The following TSGA10 variants were observed in gnomAD, a reference collection of about 807,000 sequenced individuals.
TSGA10 encodes testis-specific gene 10 protein.
TSGA10 carries 43 observed loss-of-function variants against 96.6 expected under a neutral mutation model. The observed-to-expected ratio is 0.44, with a 90% CI of 0.35 to 0.57. The LOEUF (loss-of-function observed/expected upper bound fraction) is 0.57, where lower values mean the gene tolerates loss of function less well. Among genes scored for constraint, TSGA10 ranks in the 20% least tolerant of loss-of-function variants. TSGA10 has a pLI of 0.01. For synonymous variants in TSGA10, 229 were observed against 269.9 expected, an observed-to-expected ratio of 0.85 and a Z score of 1.48; for missense variants, 703 against 834.4, an observed-to-expected ratio of 0.84 and a Z score of 1.94.
chr2:99,057,251 G>C (rs2084116248), intron 16 of TSGA10, among the ~76,000 whole-genome samples: 1 of 152,020 alleles, frequency 6.6e-6, no homozygotes, highest in Non-Finnish European at 1.5e-5. Flanking sequence ...AAAATAAAAG[G>C]CATCCAGATT....
chr2:99,059,046 AATAAT>A (rs2084327147), intron 16 of TSGA10, among the ~76,000 whole-genome samples: 1 of 116,526 alleles, frequency 8.6e-6, no homozygotes, highest in African/African-American at 4.1e-5. Context: ...AAAAAAAAAA[AATAAT>A]ATATATATAT....
At chr2:99,131,661 A>G (rs1474053520) in intron 1 of TSGA10, among the ~76,000 whole-genome samples, 3 of 152,144 alleles carry the variant, frequency 2.0e-5, no homozygotes, top group Non-Finnish European at 2.9e-5. Context: ...ACTATATTGA[A>G]TAGGAGTGGT....
intron 20 of TSGA10, among the ~76,000 whole-genome samples, chr2:99,000,893 A>T (rs968630203): frequency 5.9e-5 from 9 of 152,132 alleles, no homozygotes; most frequent in Non-Finnish European, 1.3e-4. Flanking sequence ...TCCGAGATCG[A>T]ACTGCGAGGT....
chr2:99,105,270 A>G lies in TSGA10; in HGVS notation c.459+89T>C, dbSNP rs1293222856. 4.3e-6 allele frequency: 5 copies of G among 1,152,108 alleles called. No homozygotes were observed. In the East Asian group the frequency reaches 7.2e-5, roughly 17 times the overall value. 71.4% of individuals were successfully genotyped at this position (1,152,108 alleles called of 1,614,324 possible). On this transcript the variant is annotated intron_variant, in intron 9 of 20. Coordinates refer to ENST00000393483, the MANE Select transcript of TSGA10 (RefSeq NM_025244.4). ...ATAAACACTATCTTAGAAAAATAAA[A>G]TAACTTCTCTGAATACAGAAAAAGG...
intron 13 of TSGA10, among the ~76,000 whole-genome samples, chr2:99,072,361 T>C (rs1458482969): frequency 2.0e-5 from 3 of 152,238 alleles, no homozygotes; most frequent in African/African-American, 4.8e-5. Flanking sequence ...CCCTCTGTTA[T>C]ACTCCAGACT....
intron 1 of TSGA10, chr2:99,147,174 T>G (rs2093640899): frequency 3.0e-6 from 1 of 330,164 alleles, no homozygotes; most frequent in Non-Finnish European, 5.4e-6. Context: ...TTTTTTAATT[T>G]TTTTCTGATA....
intron 20 of TSGA10, 51 bp from the exon 21 acceptor site, chr2:98,998,272 AC>A: frequency 6.8e-7 from 1 of 1,471,496 alleles, no homozygotes; most frequent in East Asian, 2.3e-5. Context: ...AACTTTTTCA[AC>A]ATGTGTAACA....
At position 99,018,193 on chromosome 2, in the gene TSGA10, G is replaced by T. The variant is rs1386767141; in HGVS notation, c.2072+7C>A. On this transcript the variant is annotated splice_region_variant and intron_variant, in intron 20 of 20. Coordinates refer to ENST00000393483, the MANE Select transcript of TSGA10 (RefSeq NM_025244.4). ...TCTCAAGAGAATGGATCCTTAAATA[G>T]ACTCACTCTTCTAATGATCGATCTA... The T allele has an allele frequency of 1.2e-6, 2 of 1,613,532 alleles. No individual in the cohort carries two copies. Among genetic ancestry groups the T allele is most frequent in the Non-Finnish European group, 1.7e-6 (2 of 1,179,906 alleles).
intron 20 of TSGA10, among the ~76,000 whole-genome samples, chr2:99,002,206 G>A (rs2077989353): frequency 6.6e-6 from 1 of 152,198 alleles, no homozygotes; most frequent in Admixed American, 6.5e-5. Flanking sequence ...AAGTTGAAAT[G>A]AAGGGAAAAT....
At chr2:99,046,714 AC>A (rs1289557500) in intron 16 of TSGA10, among the ~76,000 whole-genome samples, 2 of 152,198 alleles carry the variant, frequency 1.3e-5, no homozygotes, top group African/African-American at 2.4e-5. Flanking sequence ...GCAAGAAATA[AC>A]TAAGAACAGA....
intron 16 of TSGA10, among the ~76,000 whole-genome samples, chr2:99,052,582 C>A (rs1457891903): frequency 6.6e-6 from 1 of 151,460 alleles, no homozygotes; most frequent in Non-Finnish European, 1.5e-5. Flanking sequence ...ACTAAAAATA[C>A]AAAAAATTAG....
intron 4 of TSGA10, chr2:99,117,143 G>T (rs2092315235): frequency 6.6e-6 from 1 of 152,146 alleles, no homozygotes; most frequent in Non-Finnish European, 1.5e-5. Context: ...TCACATGGCA[G>T]TTCTATTTTT....
chr2:99,143,017 CT>C (rs976321187), intron 1 of TSGA10, among the ~76,000 whole-genome samples: 2 of 151,458 alleles, frequency 1.3e-5, no homozygotes, highest in African/African-American at 2.4e-5. Context: ...AAAGATTTTC[CT>C]TTTTTTTCCT....
chr2:99,068,953 T>A lies in TSGA10; in HGVS notation c.1153A>T (p.Ile385Leu), dbSNP rs145269028. 279 of 1,479,768 alleles carry A rather than the reference T, an allele frequency of 1.9e-4. 1 individual carries two copies. In the African/African-American group the frequency reaches 3.9e-3, roughly 20 times the overall value. The allele number at this position is 1,479,768 out of a possible 1,614,324, so 91.7% of individuals were successfully genotyped here. ...LNDTHNELND[I>L]KQKVQDTNLE... ...TTAGTATCTTGAACCTTCTGTTTTA[T>A]GTCATTAAGTTCATTATGAGTGTCA... Residue 385 changes from isoleucine to leucine, a missense_variant, in exon 15 of 21, where the codon ATA (isoleucine) becomes TTA (leucine). Ile to Leu is a conservative substitution (Grantham distance 5). Around this residue, in one of 3 missense-constraint regions of TSGA10, gnomAD observed 585 missense variants for 656.8 expected, o/e 0.89. Coordinates refer to ENST00000393483, the MANE Select transcript of TSGA10 (RefSeq NM_025244.4).
At chr2:99,012,089 G>A (rs767116042) in intron 20 of TSGA10, among the ~76,000 whole-genome samples, 3 of 152,188 alleles carry the variant, frequency 2.0e-5, no homozygotes, top group Non-Finnish European at 2.9e-5. Context: ...GCTACATAAT[G>A]AAGGAAAGAT....
intron 16 of TSGA10, among the ~76,000 whole-genome samples, chr2:99,064,275 A>G (rs1469378544): frequency 1.3e-5 from 2 of 152,228 alleles, no homozygotes; most frequent in Non-Finnish European, 2.9e-5. Flanking sequence ...ATGAATTTTA[A>G]AAAGGGAATA....
At chr2:99,006,689 G>T (rs369975956) in intron 20 of TSGA10, among the ~76,000 whole-genome samples, 136 of 152,196 alleles carry the variant, frequency 8.9e-4, no homozygotes, top group Middle Eastern at 6.8e-3. Flanking sequence ...ACTTTTACAC[G>T]GTTGGTGGGA....
At chr2:99,008,674 G>A (rs998833015) in intron 20 of TSGA10, among the ~76,000 whole-genome samples, 1 of 152,146 alleles carries the variant, frequency 6.6e-6, no homozygotes, top group Admixed American at 6.5e-5. Flanking sequence ...CCACTTCTAG[G>A]AATTTATTCT....
At chr2:99,091,890 T>C (rs2089400208) in intron 10 of TSGA10, among the ~76,000 whole-genome samples, 1 of 151,980 alleles carries the variant, frequency 6.6e-6, no homozygotes, top group Non-Finnish European at 1.5e-5. Context: ...AAAGAAACAA[T>C]GGATTTAAAC....
Sources: gnomAD v4.1 joint callset for allele counts (sites outside exome capture counted in the v4.1 genomes callset) on GRCh38, gnomAD v4.1.1 for gene constraint, gnomAD v4.1.1 regional missense constraint, MANE v1.5 for transcripts, NCBI Gene and HGNC (gene_info 2026-07-23, HGNC 2026-07-21) for gene names.